Variants in SERPINE2 observed in about 807,000 individuals in gnomAD.
SERPINE2 encodes serpin family E member 2.
Under a neutral mutation model 36.3 loss-of-function variants are expected in SERPINE2, and 14 were observed. The ratio of observed to expected loss-of-function variants is 0.39; its 90% CI spans 0.25 to 0.60. The LOEUF (loss-of-function observed/expected upper bound fraction) is 0.60. Among genes scored for constraint, SERPINE2 ranks in the 20% least tolerant of loss-of-function variants. The pLI is 0.57. For synonymous variants in SERPINE2, 192 were observed against 191.8 expected, an observed-to-expected ratio of 1.00 and a Z score of -0.01; for missense variants, 418 against 499.6, an observed-to-expected ratio of 0.84 and a Z score of 1.56.
intron 4 of SERPINE2, among the ~76,000 whole-genome samples, chr2:223,986,773 G>A (rs561426642): frequency 6.6e-6 from 1 of 152,180 alleles, no homozygotes; most frequent in Non-Finnish European, 1.5e-5. Context: ...TCCATCCTTG[G>A]CTGGACCCAT....
chr2:223,976,307 C>T (rs1690006441), intron 8 of SERPINE2, among the ~76,000 whole-genome samples: 1 of 152,202 alleles, frequency 6.6e-6, no homozygotes, highest in African/African-American at 2.4e-5. Flanking sequence ...CCCACCACCA[C>T]TGCCAGCCAA....
chr2:223,980,178 C>G, intron 7 of SERPINE2, 133 bp downstream of exon 7: 3 of 694,126 alleles, frequency 4.3e-6, no homozygotes, highest in East Asian at 2.7e-5. Flanking sequence ...TCACTGCTGT[C>G]TCCTGAGGGT....
intron 1 of SERPINE2, among the ~76,000 whole-genome samples, chr2:224,014,479 G>A (rs1413105800): frequency 6.6e-6 from 1 of 152,216 alleles, no homozygotes; most frequent in Non-Finnish European, 1.5e-5. Flanking sequence ...GACTTCAGAC[G>A]GAGACTCTGA....
At chr2:223,995,473 C>A (rs1690845128) in intron 3 of SERPINE2, among the ~76,000 whole-genome samples, 1 of 152,204 alleles carries the variant, frequency 6.6e-6, no homozygotes, top group South Asian at 2.1e-4. Flanking sequence ...CAGTCCCACC[C>A]AATGAAGAAT....
At chr2:223,977,036 C>T (rs1320030826) in intron 8 of SERPINE2, among the ~76,000 whole-genome samples, 1 of 152,146 alleles carries the variant, frequency 6.6e-6, no homozygotes, top group African/African-American at 2.4e-5. Flanking sequence ...CATTCTCTCC[C>T]CTGCTGCCCT....
rs557194350 is a variant in SERPINE2, at chr2:224,025,313, C to A, written c.-23+13786G>T. 6.6e-5 allele frequency among the ~76,000 whole-genome samples: 10 copies of A among 152,312 alleles called. No individual in the cohort carries two copies. In the South Asian group the frequency reaches 2.1e-3, roughly 32 times the overall value. On this transcript the variant is annotated intron_variant, in intron 1 of 8. Transcript: ENST00000409304. ...CAGCTTTCACCTCTCTTTTTCCTCC[C>A]AGATGTATAAGTGTGTTTCCAGCAC... is the stretch of plus-strand genomic sequence containing the variant.
At chr2:223,981,638 A>C (rs1013704720) in intron 6 of SERPINE2, 2 of 152,216 alleles carry the variant, frequency 1.3e-5, no homozygotes, top group Admixed American at 6.5e-5. Context: ...CTTACCACTC[A>C]AAGTTATTTG....
intron 1 of SERPINE2, among the ~76,000 whole-genome samples, chr2:224,003,483 C>G (rs1197678604): frequency 6.6e-6 from 1 of 152,160 alleles, no homozygotes; most frequent in African/African-American, 2.4e-5. Flanking sequence ...TTAAAATAAA[C>G]TTAAGTGACT....
In SERPINE2 at chr2:224,016,506, CAAA is replaced by C. The variant is rs34770432; in HGVS notation, c.-22-14587_-22-14585del. Reference sequence around the variant, plus strand: ...GGGCGACAAGAGCGAAAGTCCGTCTCAAAAAAAAAAAAAAAATAGTTTGGTAGT... The same window carrying C: ...GGGCGACAAGAGCGAAAGTCCGTCTCAAAAAAAAAAAAATAGTTTGGTAGT... On this transcript the variant is annotated intron_variant, in intron 1 of 8. Coordinates refer to ENST00000409304, the MANE Select transcript of SERPINE2 (RefSeq NM_001136528.2). Among the ~76,000 whole-genome samples, 570 of 139,528 alleles carry C rather than the reference CAAA, an allele frequency of 4.1e-3. 1 individual carries two copies. The highest frequency in any genetic ancestry group is 0.011 in the Middle Eastern group (3 of 278). 91.5% of individuals were successfully genotyped at this position (139,528 alleles called of 152,430 possible).
intron 1 of SERPINE2, among the ~76,000 whole-genome samples, chr2:224,032,889 A>AC (rs1170303535): frequency 6.6e-6 from 1 of 152,220 alleles, no homozygotes; most frequent in Non-Finnish European, 1.5e-5. Context: ...AGGGATGCCG[A>AC]CTTCCCTGGA....
chr2:223,976,444 A>G (rs999293272), intron 8 of SERPINE2, among the ~76,000 whole-genome samples: 2 of 152,154 alleles, frequency 1.3e-5, no homozygotes, highest in African/African-American at 4.8e-5. Flanking sequence ...AAGCCACCGC[A>G]CCCAACCAGA....
intron 8 of SERPINE2, among the ~76,000 whole-genome samples, chr2:223,977,288 G>A (rs1690049920): frequency 6.6e-6 from 1 of 152,220 alleles, no homozygotes; most frequent in South Asian, 2.1e-4. Flanking sequence ...CCAAAGGGAT[G>A]CTGAGCCTCT....
chr2:224,023,799 A>G (rs1401337556), intron 1 of SERPINE2, among the ~76,000 whole-genome samples: 1 of 152,206 alleles, frequency 6.6e-6, no homozygotes, highest in Non-Finnish European at 1.5e-5. Context: ...ATCCTGTGAC[A>G]CTGGGTAGAC....
intron 1 of SERPINE2, chr2:224,010,193 A>G (rs201532030): frequency 2.0e-5 from 4 of 195,382 alleles, no homozygotes; most frequent in East Asian, 1.9e-4. Flanking sequence ...GCAGCTTGGT[A>G]GTTTTAAAAT....
At chr2:223,989,715 G>C (rs746968188) in intron 4 of SERPINE2, among the ~76,000 whole-genome samples, 5 of 152,218 alleles carry the variant, frequency 3.3e-5, no homozygotes, top group Admixed American at 6.5e-5. Flanking sequence ...GGCATGGAAA[G>C]GAGGGTGAGA....
chr2:224,031,394 G>A (rs577303994), intron 1 of SERPINE2: 10 of 985,418 alleles, frequency 1.0e-5, no homozygotes, highest in South Asian at 4.7e-5. Context: ...TAGAGATTCC[G>A]TTGGGGGGAA....
At chr2:223,981,109 G>C (rs2106134027) in intron 6 of SERPINE2, 1 of 152,322 alleles carries the variant, frequency 6.6e-6, no homozygotes, top group Non-Finnish European at 1.5e-5. Context: ...GTCTGGATGG[G>C]ACATAGGTCT....
chr2:224,004,664 TTTTC>T (rs1437220306), intron 1 of SERPINE2, among the ~76,000 whole-genome samples: 11 of 151,908 alleles, frequency 7.2e-5, no homozygotes, highest in Admixed American at 7.2e-4. Flanking sequence ...CCCTCTTGCC[TTTTC>T]TTTCTTTTGA....
intron 1 of SERPINE2, among the ~76,000 whole-genome samples, chr2:224,027,962 C>T (rs1038893126): frequency 1.3e-5 from 2 of 152,138 alleles, no homozygotes; most frequent in African/African-American, 4.8e-5. Context: ...CTTTTACCCT[C>T]TAGAATGAAT....
Sources: allele counts gnomAD v4.1 joint callset (sites outside exome capture counted in the v4.1 genomes callset), GRCh38; gene constraint gnomAD v4.1.1; transcripts MANE v1.5; gene names NCBI Gene and HGNC (gene_info 2026-07-23, HGNC 2026-07-21).